ATP11A: variants seen among roughly 807,000 people sequenced by gnomAD.
ATP11A encodes phospholipid-transporting ATPase IH.
ATP11A carries 81 observed loss-of-function variants against 154.4 expected under a neutral mutation model. That is an observed-to-expected ratio of 0.52 (90% CI 0.44 to 0.63). The LOEUF is 0.63. Among genes scored for constraint, ATP11A ranks in the 30% least tolerant of loss-of-function variants. The pLI is 0.00. For synonymous variants in ATP11A, 623 were observed against 585.9 expected (o/e 1.06, Z -0.91); for missense variants, 1,316 against 1,474.3 (o/e 0.89, Z 1.76).
intron 3 of ATP11A, among the ~76,000 whole-genome samples, chr13:112,805,282 C>T (rs1365509757): frequency 6.6e-6 from 1 of 152,182 alleles, no homozygotes; most frequent in Admixed American, 6.5e-5. Flanking sequence ...CTTTCCTGCC[C>T]CTTTCCTTCT....
chr13:112,824,515 A>T, intron 10 of ATP11A, 90 bp downstream of exon 10: 1 of 1,204,290 alleles, frequency 8.3e-7, no homozygotes, highest in African/African-American at 1.5e-5. Flanking sequence ...CCTTATTGGC[A>T]GTTCCTTTGC....
chr13:112,692,167 C>T (rs1460925875), intron 1 of ATP11A, among the ~76,000 whole-genome samples: 1 of 152,168 alleles, frequency 6.6e-6, no homozygotes, highest in Non-Finnish European at 1.5e-5. Context: ...AAGTGTGGGT[C>T]CCTAGACACC....
chr13:112,741,984 C>CT (rs1891602793), intron 1 of ATP11A, among the ~76,000 whole-genome samples: 1 of 151,506 alleles, frequency 6.6e-6, no homozygotes, highest in African/African-American at 2.4e-5. Flanking sequence ...AGTGGTTCCC[C>CT]CACCACAGAA....
intron 5 of ATP11A, 36 bp from the exon 6 acceptor site, chr13:112,816,047 C>T (rs1310374833): frequency 1.2e-6 from 2 of 1,612,804 alleles, no homozygotes; most frequent in South Asian, 1.1e-5. Context: ...CACGGAGGGG[C>T]TTTCCATTGA....
chr13:112,860,586 C>T (rs1238221290), intron 24 of ATP11A, 172 bp downstream of exon 24: 9 of 688,888 alleles, frequency 1.3e-5, no homozygotes, highest in Non-Finnish European at 2.1e-5. Context: ...CAACATAGCT[C>T]AAATGGAGAT....
intron 5 of ATP11A, among the ~76,000 whole-genome samples, chr13:112,812,719 C>G (rs1234210554): frequency 6.6e-6 from 1 of 152,248 alleles, no homozygotes; most frequent in Non-Finnish European, 1.5e-5. Flanking sequence ...AACATTTTCA[C>G]TTATAAACGT....
At chr13:112,813,212 CTTTTTTAATTAAACTTTT>C (rs1566519189) in intron 5 of ATP11A, among the ~76,000 whole-genome samples, 1 of 152,116 alleles carries the variant, frequency 6.6e-6, no homozygotes, top group African/African-American at 2.4e-5. Context: ...ATTAGTTTTT[CTTTTTTAATTAAACTTTT>C]TATTTCGAGG....
At chr13:112,813,769 C>T (rs1335542710) in intron 5 of ATP11A, among the ~76,000 whole-genome samples, 2 of 152,060 alleles carry the variant, frequency 1.3e-5, no homozygotes, top group Admixed American at 1.3e-4. Context: ...ACTGCTGTTC[C>T]TGATGTCTCG....
At chr13:112,819,840 G>A (rs1052059496) in intron 7 of ATP11A, 60 bp from the exon 8 acceptor site, 129 of 1,588,938 alleles carry the variant, frequency 8.1e-5, no homozygotes, top group Non-Finnish European at 1.1e-4. Flanking sequence ...TGGGCCAGGC[G>A]CGCGCTTCCC....
chr13:112,707,059 A>G (rs1594354304), intron 1 of ATP11A, among the ~76,000 whole-genome samples: 1 of 152,194 alleles, frequency 6.6e-6, no homozygotes, highest in Non-Finnish European at 1.5e-5. Flanking sequence ...CAACATCAGC[A>G]CCACATTGGG....
intron 1 of ATP11A, among the ~76,000 whole-genome samples, chr13:112,691,721 T>G (rs77351976): frequency 3.0e-4 from 45 of 152,280 alleles, no homozygotes; most frequent in African/African-American, 1.0e-3. Context: ...TTTATGAGCC[T>G]TCTTTAAATA....
chr13:112,886,706 G>A lies in ATP11A; in HGVS notation c.*4840G>A, dbSNP rs995823235. ...TAGCTTTATTTTTTACTTTATCAAA[G>A]TATACAGAATTTTAATATGCATATA... is the stretch of plus-strand genomic sequence containing the variant. On this transcript the variant is annotated 3_prime_UTR_variant, in exon 30 of 30. Transcript: ENST00000375645. 1.3e-5 allele frequency: 2 copies of A among 152,472 alleles called. No homozygotes were observed. Among genetic ancestry groups the A allele is most frequent in the East Asian group, 3.8e-4 (2 of 5,198 alleles). 9.4% of individuals were successfully genotyped at this position (152,472 alleles called of 1,614,324 possible). A position where few individuals can be genotyped will look rare whatever the true frequency, so the allele number is the denominator to read the frequency against.
At position 112,862,849 on chromosome 13, in the gene ATP11A, C is replaced by T. The variant is rs150743233; in HGVS notation, c.2991+274C>T. On this transcript the variant is annotated intron_variant, in intron 25 of 29. Coordinates refer to ENST00000375645, the MANE Select transcript of ATP11A (RefSeq NM_015205.3). ...CAGTGCAGCCCATGCAGTTTCCCAG[C>T]GGGGTCCATCACCACGTGCACAGTA... Among the ~76,000 whole-genome samples, 572 of 148,472 alleles carry T rather than the reference C, an allele frequency of 3.9e-3. 15 individuals carry two copies. Among genetic ancestry groups the T allele is most frequent in the African/African-American group, 0.014 (538 of 38,628 alleles).
chr13:112,824,442 G>T lies in ATP11A; in HGVS notation c.872+17G>T. 3 of 1,610,768 alleles carry T rather than the reference G, an allele frequency of 1.9e-6. No individual in the cohort carries two copies. Among genetic ancestry groups the T allele is most frequent in the Non-Finnish European group, 2.5e-6 (3 of 1,176,966 alleles). The stretch of plus-strand genomic sequence containing the variant: ...CGTGGAAAAGTAAGGCTGGATGCGC[G>T]TGAGAACCTGCAACTTAAAAGTGTC... On this transcript the variant is annotated intron_variant, in intron 10 of 29. Transcript: ENST00000375645.
chr13:112,752,436 C>T (rs577908473), intron 1 of ATP11A, among the ~76,000 whole-genome samples: 121 of 152,274 alleles, frequency 7.9e-4, no homozygotes, highest in African/African-American at 2.9e-3. Context: ...AGAATCCTCC[C>T]GGCGGGCGCC....
At chr13:112,741,931 G>T (rs1157229604) in intron 1 of ATP11A, among the ~76,000 whole-genome samples, 2 of 151,988 alleles carry the variant, frequency 1.3e-5, no homozygotes, top group African/African-American at 4.8e-5. Flanking sequence ...TCCATAGACT[G>T]CTCCCCTTCC....
chr13:112,706,240 A>G (rs1393426909), intron 1 of ATP11A, among the ~76,000 whole-genome samples: 1 of 152,208 alleles, frequency 6.6e-6, no homozygotes, highest in Non-Finnish European at 1.5e-5. Context: ...TAAAAACTTG[A>G]ATGTGAGGAC....
intron 1 of ATP11A, among the ~76,000 whole-genome samples, chr13:112,712,132 G>T (rs1566365717): frequency 6.6e-6 from 1 of 152,110 alleles, no homozygotes; most frequent in Non-Finnish European, 1.5e-5. Context: ...TGTTTTCCCC[G>T]TTCTCCCTCC....
chr13:112,820,087 G>A (rs1226233878), intron 8 of ATP11A, 137 bp downstream of exon 8: 14 of 817,734 alleles, frequency 1.7e-5, no homozygotes, highest in Non-Finnish European at 2.4e-5. Context: ...CCACAGGGCC[G>A]GGCTCCACTC....
Sources: allele counts gnomAD v4.1 joint callset (sites outside exome capture counted in the v4.1 genomes callset), GRCh38; gene constraint gnomAD v4.1.1; transcripts MANE v1.5; gene names NCBI Gene and HGNC (gene_info 2026-07-23, HGNC 2026-07-21).